The following SNTG1 variants were observed in gnomAD, a reference collection of about 807,000 sequenced individuals.
SNTG1 encodes the protein syntrophin gamma 1, also known as gamma-1-syntrophin.
Under a neutral mutation model 74.7 loss-of-function variants are expected in SNTG1, and 39 were observed. The ratio of observed to expected loss-of-function variants is 0.52; its 90% CI spans 0.40 to 0.68. The LOEUF is 0.68. SNTG1 is among the 30% of genes least tolerant of loss of function. The probability of loss-of-function intolerance (pLI) is 0.00; values close to 1 mark genes in which losing one functional copy is unlikely to be tolerated. For missense variants in SNTG1, 685 were observed against 609.5 expected, an observed-to-expected ratio of 1.12 and a Z score of -1.30; for synonymous variants, 254 against 217.1, an observed-to-expected ratio of 1.17 and a Z score of -1.49.
intron 8 of SNTG1, chr8:50,456,895 A>C (rs564122217): frequency 6.6e-6 from 1 of 152,308 alleles, no homozygotes; most frequent in East Asian, 1.9e-4. Flanking sequence ...TGAGCCTGCA[A>C]TCCCTTCACA....
At chr8:50,475,088 G>GA (rs991050392) in intron 8 of SNTG1, among the ~76,000 whole-genome samples, 3 of 106,360 alleles carry the variant, frequency 2.8e-5, no homozygotes, top group Non-Finnish European at 3.6e-5. Flanking sequence ...GGGGTGGGGG[G>GA]AGGGGGGAGG....
At chr8:50,449,815 T>C in intron 6 of SNTG1, 90 bp downstream of exon 6, 1 of 1,113,268 alleles carries the variant, frequency 9.0e-7, no homozygotes, top group South Asian at 2.4e-5. Context: ...TAAATTACAA[T>C]GTGATTGACT....
At chr8:50,572,269 T>C (rs1369040464) in intron 12 of SNTG1, among the ~76,000 whole-genome samples, 1 of 149,374 alleles carries the variant, frequency 6.7e-6, no homozygotes, top group Non-Finnish European at 1.5e-5. Flanking sequence ...TATATATATA[T>C]ATATATAGAG....
At chr8:50,269,183 T>C (rs916477256) in intron 2 of SNTG1, among the ~76,000 whole-genome samples, 9 of 152,184 alleles carry the variant, frequency 5.9e-5, no homozygotes, top group African/African-American at 2.2e-4. Flanking sequence ...TAAGAATTCT[T>C]AGTCCTAACA....
chr8:50,127,055 C>T (rs910102176), intron 1 of SNTG1, among the ~76,000 whole-genome samples: 2 of 152,096 alleles, frequency 1.3e-5, no homozygotes, highest in Non-Finnish European at 2.9e-5. Context: ...TAAATAAGGA[C>T]AATGGAACGG....
intron 9 of SNTG1, among the ~76,000 whole-genome samples, chr8:50,524,848 A>G (rs962460071): frequency 6.6e-6 from 1 of 152,116 alleles, no homozygotes; most frequent in Non-Finnish European, 1.5e-5. Flanking sequence ...TCAATCTCCC[A>G]TGGAGGAATG....
intron 2 of SNTG1, among the ~76,000 whole-genome samples, chr8:50,382,785 A>G (rs553914382): frequency 2.3e-4 from 35 of 152,282 alleles, no homozygotes; most frequent in African/African-American, 7.5e-4. Flanking sequence ...ATATCTATGT[A>G]TGTGTACACA....
At chr8:50,432,179 T>A (rs2093244634) in intron 4 of SNTG1, among the ~76,000 whole-genome samples, 1 of 152,206 alleles carries the variant, frequency 6.6e-6, no homozygotes. Context: ...TATGATACAC[T>A]GTGTTAATTT....
Position 50,792,790 on chromosome 8 carries a change from C to T in SNTG1, c.1515C>T (p.Ala505=), listed in dbSNP as rs767116881. The stretch of plus-strand genomic sequence containing the variant: ...ATCAAGCTACTGCTTCTACTGCTGC[C>T]AGCTCTGCTACCACGAGCAAAGCAA... The part of the protein sequence containing the change: ...LGNQATASTA[A]SSATTSKAKY... Residue 505 remains alanine (A), a synonymous_variant, in exon 19 of 19, where the codon GCC becomes GCT. Transcript: ENST00000642720. 6.2e-7 allele frequency: 1 copy of T among 1,612,350 alleles called. No individual in the cohort carries two copies. The highest frequency in any genetic ancestry group is 8.5e-7 in the Non-Finnish European group (1 of 1,178,826).
chr8:50,383,543 C>G (rs2092525285), intron 2 of SNTG1, among the ~76,000 whole-genome samples: 2 of 152,110 alleles, frequency 1.3e-5, no homozygotes, highest in Admixed American at 1.3e-4. Context: ...ATTTTTGCAG[C>G]TGATCATGTG....
At chr8:49,952,447 C>T (rs951513792) in intron 1 of SNTG1, among the ~76,000 whole-genome samples, 6 of 152,126 alleles carry the variant, frequency 3.9e-5, no homozygotes, top group East Asian at 1.9e-4. Flanking sequence ...AACTCACAAA[C>T]GAGCATGGAA....
chr8:50,372,786 TTGTCTC>T (rs1475600326), intron 2 of SNTG1, among the ~76,000 whole-genome samples: 1 of 152,102 alleles, frequency 6.6e-6, no homozygotes, highest in African/African-American at 2.4e-5. Flanking sequence ...GAATAGTTGT[TTGTCTC>T]TGTGGAGTCA....
At chr8:50,103,144 C>G (rs1269391866) in intron 1 of SNTG1, among the ~76,000 whole-genome samples, 1 of 152,110 alleles carries the variant, frequency 6.6e-6, no homozygotes, top group African/African-American at 2.4e-5. Context: ...TATAAATTAC[C>G]TTGGGCCGTA....
chr8:50,193,180 G>C (rs549116559), intron 2 of SNTG1, among the ~76,000 whole-genome samples: 31 of 152,134 alleles, frequency 2.0e-4, no homozygotes, highest in Middle Eastern at 6.8e-3. Context: ...TTCTAATTCT[G>C]TGTAGAATGA....
rs117518484 is a variant in SNTG1, at chr8:50,504,176, C to T, written c.466+1296C>T. On this transcript the variant is annotated intron_variant, in intron 9 of 18. Transcript: ENST00000642720. ...CATGTCCCTGCAGTGGACATGATCT[C>T]GTTCTTTTTTATGGTGACATAGTAT... Among the ~76,000 whole-genome samples, 227 of 152,198 alleles carry T rather than the reference C, an allele frequency of 1.5e-3. 3 individuals carry two copies. In the East Asian group the frequency reaches 0.033, roughly 22 times the overall value.
intron 11 of SNTG1, among the ~76,000 whole-genome samples, chr8:50,545,511 A>T (rs945207414): frequency 4.1e-5 from 6 of 146,286 alleles, no homozygotes; most frequent in Admixed American, 1.4e-4. Flanking sequence ...TATATATTTG[A>T]ATTTGAGAAG....
chr8:50,392,341 A>C (rs1006879222), intron 2 of SNTG1, among the ~76,000 whole-genome samples: 1 of 152,184 alleles, frequency 6.6e-6, no homozygotes, highest in Non-Finnish European at 1.5e-5. Context: ...TGGAGGTGGG[A>C]TTTATATGCA....
chr8:50,590,973 T>C, intron 13 of SNTG1, 56 bp downstream of exon 13: 2 of 1,256,552 alleles, frequency 1.6e-6, no homozygotes, highest in East Asian at 2.7e-5. Flanking sequence ...ATTTTATTGA[T>C]TATAGAAGAT....
At chr8:50,387,649 A>G (rs2092595921) in intron 2 of SNTG1, among the ~76,000 whole-genome samples, 1 of 152,182 alleles carries the variant, frequency 6.6e-6, no homozygotes. Context: ...ACATTATCCA[A>G]AATCATGAGT....
Sources: gnomAD v4.1 joint callset for allele counts (sites outside exome capture counted in the v4.1 genomes callset) on GRCh38, gnomAD v4.1.1 for gene constraint, MANE v1.5 for transcripts, NCBI Gene and HGNC (gene_info 2026-07-23, HGNC 2026-07-21) for gene names.